PIAS3: variants seen among roughly 807,000 people sequenced by gnomAD.
The protein encoded by PIAS3 is E3 SUMO-protein ligase PIAS3.
PIAS3 carries 34 observed loss-of-function variants against 67.6 expected under a neutral mutation model. The observed-to-expected ratio is 0.50, with a 90% CI of 0.38 to 0.67. PIAS3 has a LOEUF of 0.67. Among genes scored for constraint, PIAS3 ranks in the 30% least tolerant of loss-of-function variants. PIAS3 has a pLI of 0.00. For synonymous variants in PIAS3, 341 were observed against 313.8 expected, an observed-to-expected ratio of 1.09 and a Z score of -0.92; for missense variants, 693 against 791.6, an observed-to-expected ratio of 0.88 and a Z score of 1.49.
At chr1:145,853,059 G>C (rs1653024945) in intron 9 of PIAS3, among the ~76,000 whole-genome samples, 2 of 152,128 alleles carry the variant, frequency 1.3e-5, no homozygotes, top group African/African-American at 4.8e-5. Context: ...GTTCATGTGA[G>C]GGGAAGTAAG....
Position 145,850,790 on chromosome 1 carries a change from C to G in PIAS3, c.1429G>C (p.Ala477Pro). The G allele has an allele frequency of 6.2e-7, 1 of 1,614,228 alleles. No individual in the cohort carries two copies. The highest frequency in any genetic ancestry group is 8.5e-7 in the Non-Finnish European group (1 of 1,180,030). The change falls in exon 11 of 14, where the codon GCC (alanine) becomes CCC (proline). Residue 477 changes from alanine to proline, a missense_variant. Physicochemically the swap from Ala to Pro is conservative, Grantham distance 27. Transcript: ENST00000393045. Reference protein sequence around the residue: ...HCSVTSAAIPALPGSKGVLTS... With the variant: ...HCSVTSAAIPPLPGSKGVLTS... Reference sequence around the variant, plus strand: ...TCATACCCTTTGCTTCCAGGTAGGGCCGGGATGGCAGCTGAGGTGACAGAA... The same window carrying G: ...TCATACCCTTTGCTTCCAGGTAGGGGCGGGATGGCAGCTGAGGTGACAGAA...
In PIAS3 at chr1:145,850,271, TG is replaced by T; in HGVS notation, c.1583-3del. 6.2e-7 allele frequency: 1 copy of T among 1,614,138 alleles called. No individual in the cohort carries two copies. The highest frequency in any genetic ancestry group is 8.5e-7 in the Non-Finnish European group (1 of 1,179,998). On this transcript the variant is annotated splice_polypyrimidine_tract_variant and splice_region_variant and intron_variant, in intron 12 of 13. Transcript: ENST00000393045. ...GAAGAAATGAAAATAAATCTAAACC[TG>T]GCAGGAAAAGAAAAATCAAAATTAA... is the stretch of plus-strand genomic sequence containing the variant.
rs1284923795 is a variant in PIAS3, at chr1:145,852,229, G to C, written c.1146-1076C>G. Among the ~76,000 whole-genome samples the C allele has an allele frequency of 2.0e-5, 3 of 152,290 alleles. No individual in the cohort carries two copies. In the East Asian group the frequency reaches 5.8e-4, roughly 29 times the overall value. ...GCTATGATTGTGCTACTATACTCCA[G>C]TCTGGGCAACAGAACGAGACCCTGT... On this transcript the variant is annotated intron_variant, in intron 9 of 13. Transcript: ENST00000393045.
At chr1:145,858,930 C>T (rs782616879) in intron 1 of PIAS3, 37 bp downstream of exon 1, 35 of 1,483,028 alleles carry the variant, frequency 2.4e-5, no homozygotes, top group Middle Eastern at 1.8e-4. Flanking sequence ...TACCGCCGGG[C>T]TGAGTCCAGA....
At position 145,850,585 on chromosome 1, in the gene PIAS3, C is replaced by G. The variant is rs782688270; in HGVS notation, c.1450G>C (p.Val484Leu). The change falls in exon 12 of 14, where the codon GTC (valine) becomes CTC (leucine). Residue 484 changes from valine to leucine, a missense_variant and splice_region_variant. Transcript: ENST00000393045. Reference protein sequence around the residue: ...AIPALPGSKGVLTSGHQPSSV... With the variant: ...AIPALPGSKGLLTSGHQPSSV... The stretch of plus-strand genomic sequence containing the variant: ...GATGGCTGGTGGCCAGATGTCAGGA[C>G]TCTGTGGGTAGAGAGGAGCTGAGGC... The G allele has an allele frequency of 6.2e-7, 1 of 1,614,032 alleles. No homozygotes were observed. Among genetic ancestry groups the G allele is most frequent in the Non-Finnish European group, 8.5e-7 (1 of 1,179,904 alleles).
chr1:145,854,371 A>G lies in PIAS3; in HGVS notation c.910+87T>C, dbSNP rs1570776129. ...GAGAAGGGGAGTAAGTTGTCAAAAA[A>G]GAGGTATGGGTTTAATTATGAAGGC... On this transcript the variant is annotated intron_variant, in intron 7 of 13. Transcript: ENST00000393045. 2.1e-5 allele frequency: 19 copies of G among 901,358 alleles called. No homozygotes were observed. In the South Asian group the frequency reaches 2.2e-4, roughly 11 times the overall value. 55.8% of individuals were successfully genotyped at this position (901,358 alleles called of 1,614,324 possible). A position where few individuals can be genotyped will look rare whatever the true frequency, so the allele number is the denominator to read the frequency against.
rs1553733945 is a variant in PIAS3 at position 145,850,512 on chromosome 1, A to G, written c.1523T>C (p.Leu508Pro). The part of the protein sequence containing the change: ...PAMGTLGGDF[L>P]SSLPLHEYPP... Reference sequence around the variant, plus strand: ...GTACTCATGTAGTGGGAGACTGGACAGGAAATCCCCACCCAACGTGCCCAT... The same window carrying G: ...GTACTCATGTAGTGGGAGACTGGACGGGAAATCCCCACCCAACGTGCCCAT... Residue 508 changes from leucine to proline, a missense_variant, in exon 12 of 14, where the codon CTG becomes CCG. Coordinates refer to ENST00000393045, the MANE Select transcript of PIAS3 (RefSeq NM_006099.3). The G allele has an allele frequency of 1.9e-5, 31 of 1,614,226 alleles. No individual in the cohort carries two copies. Among genetic ancestry groups the G allele is most frequent in the Non-Finnish European group, 2.5e-5 (30 of 1,180,038 alleles).
Position 145,856,813 on chromosome 1 carries a change from G to A in PIAS3, c.218C>T (p.Ser73Phe). The A allele has an allele frequency of 1.2e-6, 2 of 1,614,146 alleles. No homozygotes were observed. The highest frequency in any genetic ancestry group is 2.7e-5 in the African/African-American group (2 of 75,024). ...GGGCAAAGAGAGAAGGGAGAGATCA[G>A]AGGGCCCCAGGGTCTTCCGGGGAAA... ...RRFPRKTLGP[S>F]DLSLLSLPPG... Residue 73 changes from serine (S) to phenylalanine (F), a missense_variant, in exon 2 of 14, where the codon TCT becomes TTT. Ser to Phe is a radical substitution (Grantham distance 155, BLOSUM62 -2). This residue lies in a region of PIAS3 where 308 missense variants were observed against 348.8 expected (regional missense o/e 0.88). Coordinates refer to ENST00000393045, the MANE Select transcript of PIAS3 (RefSeq NM_006099.3).
At position 145,849,417 on chromosome 1, in the gene PIAS3, G is replaced by T. The variant is rs1166417285; in HGVS notation, c.*29C>A. 2.0e-6 allele frequency: 3 copies of T among 1,477,262 alleles called. No homozygotes were observed. Among genetic ancestry groups the T allele is most frequent in the Non-Finnish European group, 2.7e-6 (3 of 1,120,882 alleles). The allele number at this position is 1,477,262 out of a possible 1,614,324, so 91.5% of individuals were successfully genotyped here. A position where few individuals can be genotyped will look rare whatever the true frequency, so the allele number is the denominator to read the frequency against. On this transcript the variant is annotated 3_prime_UTR_variant, in exon 14 of 14. Coordinates refer to ENST00000393045, the MANE Select transcript of PIAS3 (RefSeq NM_006099.3). ...ACAGCATACTTGCTCAGTGTTGGGG[G>T]ACAGCGAAGTTTCCATAATCCAGGG...
At chr1:145,855,858 G>A (rs1553735457) in intron 4 of PIAS3, 32 bp from the exon 5 acceptor site, 3 of 1,389,090 alleles carry the variant, frequency 2.2e-6, no homozygotes, top group Admixed American at 1.7e-5. Flanking sequence ...AGAAAGAGTG[G>A]GAAGAAATTT....
rs1233484508 is a variant in PIAS3, at chr1:145,850,188, G to A, written c.1620+44C>T. 6.2e-6 allele frequency: 10 copies of A among 1,613,178 alleles called. No individual in the cohort carries two copies. The African/African-American group carries it at 1.3e-4, about 22-fold the overall frequency. On this transcript the variant is annotated intron_variant, in intron 13 of 13. Coordinates refer to ENST00000393045, the MANE Select transcript of PIAS3 (RefSeq NM_006099.3). Reference sequence around the variant, plus strand: ...AGGGGCCCCATCAGTGTCTAGAAAGGAAGCTTCAGAGATCTGAGACCTTCT... The same window carrying A: ...AGGGGCCCCATCAGTGTCTAGAAAGAAAGCTTCAGAGATCTGAGACCTTCT...
In PIAS3 at chr1:145,848,711, A is replaced by G; in HGVS notation, c.*735T>C. On this transcript the variant is annotated 3_prime_UTR_variant, in exon 14 of 14. Transcript: ENST00000393045. The stretch of plus-strand genomic sequence containing the variant: ...CCTAACTACAGGGCCATGAGCCTCT[A>G]GAAGCTTAGGGGGGAATAAGAAACA... 1 of 496,088 alleles carries G rather than the reference A, an allele frequency of 2.0e-6. No homozygotes were observed. The highest frequency in any genetic ancestry group is 3.5e-6 in the Non-Finnish European group (1 of 281,864). The allele number at this position is 496,088 out of a possible 1,614,324, so 30.7% of individuals were successfully genotyped here.
intron 9 of PIAS3, among the ~76,000 whole-genome samples, chr1:145,851,821 C>T (rs1487214681): frequency 6.6e-6 from 1 of 151,876 alleles, no homozygotes; most frequent in Non-Finnish European, 1.5e-5. Flanking sequence ...GATGTGGCGG[C>T]ACATGCCTGT....
intron 5 of PIAS3, 56 bp downstream of exon 5, chr1:145,855,680 T>G: frequency 2.1e-6 from 2 of 932,774 alleles, no homozygotes; most frequent in South Asian, 3.1e-5. Context: ...TTGTAGTTAA[T>G]ATTTATGAAC....
rs1553735183 is a variant in PIAS3 at position 145,854,800 on chromosome 1, G to A, written c.750C>T (p.Leu250=). Residue 250 remains leucine, a synonymous_variant, in exon 6 of 14, where the codon CTC becomes CTT. Coordinates refer to ENST00000393045, the MANE Select transcript of PIAS3 (RefSeq NM_006099.3). The stretch of plus-strand genomic sequence containing the variant: ...CAATGGTGTTGGGAACAGTGGCTGA[G>A]AGTCGAGCCAGGGGTGTGATGTTGA... ...RPINITPLAR[L]SATVPNTIVV... 2 of 1,614,200 alleles carry A rather than the reference G, an allele frequency of 1.2e-6. No individual in the cohort carries two copies. Among genetic ancestry groups the A allele is most frequent in the East Asian group, 4.5e-5 (2 of 44,886 alleles).
intron 7 of PIAS3, 49 bp downstream of exon 7, chr1:145,854,409 A>G: frequency 7.7e-7 from 1 of 1,292,832 alleles, no homozygotes; most frequent in Non-Finnish European, 1.1e-6. Flanking sequence ...GAGGGCCAGG[A>G]AGACTTGAAT....
intron 13 of PIAS3, 192 bp from the exon 14 acceptor site, chr1:145,849,904 C>T: frequency 6.9e-7 from 1 of 1,441,532 alleles, no homozygotes; most frequent in Non-Finnish European, 9.0e-7. Context: ...CTTGAGAGAG[C>T]TCCTCCAACT....
At chr1:145,855,216 T>TC (rs1211129559) in intron 5 of PIAS3, among the ~76,000 whole-genome samples, 1 of 152,214 alleles carries the variant, frequency 6.6e-6, no homozygotes, top group Non-Finnish European at 1.5e-5. Flanking sequence ...GTGTACTGGC[T>TC]CATGCCTGTA....
chr1:145,856,534 T>G (rs1653195139), intron 2 of PIAS3, 55 bp downstream of exon 2: 1 of 1,595,498 alleles, frequency 6.3e-7, no homozygotes, highest in South Asian at 1.1e-5. Flanking sequence ...GCCTAAGAAA[T>G]GTTTGGGGAA....
Sources: gnomAD v4.1 joint callset for allele counts (sites outside exome capture counted in the v4.1 genomes callset) on GRCh38, gnomAD v4.1.1 for gene constraint, gnomAD v4.1.1 regional missense constraint, MANE v1.5 for transcripts, NCBI Gene and HGNC (gene_info 2026-07-23, HGNC 2026-07-21) for gene names.